Variants in SNAP23 observed in about 807,000 individuals in gnomAD.
SNAP23 encodes synaptosomal-associated protein 23.
In SNAP23, 11 loss-of-function variants were observed where a neutral mutation model predicts 29.0. The ratio of observed to expected loss-of-function variants is 0.38; its 90% CI spans 0.24 to 0.63. The LOEUF (loss-of-function observed/expected upper bound fraction) is 0.63, where lower values mean the gene tolerates loss of function less well. Ranked by LOEUF, SNAP23 falls within the 20% of genes least tolerant of loss-of-function variation. The pLI, the probability that SNAP23 is intolerant of heterozygous loss-of-function variation, is 0.58. For missense variants in SNAP23, 220 were observed against 253.9 expected, an observed-to-expected ratio of 0.87 and a Z score of 0.91; for synonymous variants, 60 against 82.9, an observed-to-expected ratio of 0.72 and a Z score of 1.50.
chr15:42,502,774 C>T lies in SNAP23; in HGVS notation c.-15+7061C>T, dbSNP rs543669088. Among the ~76,000 whole-genome samples the T allele has an allele frequency of 2.6e-5, 4 of 152,266 alleles. No individual in the cohort carries two copies. The South Asian group carries it at 8.3e-4, about 32-fold the overall frequency. On this transcript the variant is annotated intron_variant, in intron 1 of 7. Coordinates refer to ENST00000249647, the MANE Select transcript of SNAP23 (RefSeq NM_003825.4). ...AACGTCCCCTTTCTGTTCACATAAC[C>T]ATTCTCATTGATAGGGTTAATAAAA...
chr15:42,502,174 C>G (rs2057277083), intron 1 of SNAP23, among the ~76,000 whole-genome samples: 3 of 151,540 alleles, frequency 2.0e-5, no homozygotes, highest in African/African-American at 7.3e-5. Context: ...ACTACAGGCG[C>G]CCACTACCAC....
chr15:42,519,399 T>G (rs1208587757), intron 5 of SNAP23, among the ~76,000 whole-genome samples: 2 of 147,974 alleles, frequency 1.4e-5, no homozygotes, highest in African/African-American at 5.0e-5. Context: ...TGAGACAGAG[T>G]TTTACGTTGT....
chr15:42,496,887 C>T (rs946569509), intron 1 of SNAP23, among the ~76,000 whole-genome samples: 1 of 152,006 alleles, frequency 6.6e-6, no homozygotes, highest in Non-Finnish European at 1.5e-5. Flanking sequence ...AGGAGAGAGA[C>T]AGTGAAGGGG....
At chr15:42,524,978 A>G (rs2057485108) in intron 5 of SNAP23, among the ~76,000 whole-genome samples, 1 of 152,058 alleles carries the variant, frequency 6.6e-6, no homozygotes, top group Non-Finnish European at 1.5e-5. Flanking sequence ...CCCTTCATAA[A>G]CACGCAGAAC....
chr15:42,506,166 T>A (rs1377776773), intron 1 of SNAP23, among the ~76,000 whole-genome samples: 2 of 151,662 alleles, frequency 1.3e-5, no homozygotes, highest in African/African-American at 4.8e-5. Flanking sequence ...TGGCTGGTCT[T>A]GAACTCCTGA....
At chr15:42,514,223 C>T (rs2057380683) in intron 4 of SNAP23, among the ~76,000 whole-genome samples, 1 of 151,900 alleles carries the variant, frequency 6.6e-6, no homozygotes, top group Non-Finnish European at 1.5e-5. Flanking sequence ...CTCCAGGATC[C>T]TCTACCTCCC....
chr15:42,507,321 T>C (rs2057324304), intron 1 of SNAP23, among the ~76,000 whole-genome samples: 1 of 152,218 alleles, frequency 6.6e-6, no homozygotes, highest in Non-Finnish European at 1.5e-5. Context: ...TAAGAGGTAC[T>C]CAGTGAACTT....
intron 5 of SNAP23, among the ~76,000 whole-genome samples, chr15:42,523,823 TTTG>T (rs532392211): frequency 7.2e-4 from 109 of 152,212 alleles, no homozygotes; most frequent in African/African-American, 2.6e-3. Flanking sequence ...TGTTTGTTTG[TTTG>T]TTTATTTTTA....
upstream of SNAP23, among the ~76,000 whole-genome samples, chr15:42,493,787 C>A (rs2057193132): frequency 6.6e-6 from 1 of 152,154 alleles, no homozygotes; most frequent in African/African-American, 2.4e-5. Flanking sequence ...AATACCACCT[C>A]CTTTTCTATC....
At chr15:42,524,091 C>T (rs2057473539) in intron 5 of SNAP23, among the ~76,000 whole-genome samples, 1 of 152,194 alleles carries the variant, frequency 6.6e-6, no homozygotes, top group Non-Finnish European at 1.5e-5. Flanking sequence ...GCTGGGATTA[C>T]AGGTGTGAGC....
intron 1 of SNAP23, among the ~76,000 whole-genome samples, chr15:42,506,621 C>T (rs1205934066): frequency 1.3e-5 from 2 of 152,186 alleles, no homozygotes; most frequent in Non-Finnish European, 2.9e-5. Flanking sequence ...ACCATGATTA[C>T]TGTGGTCTAT....
Position 42,532,110 on chromosome 15 carries a change from G to C in SNAP23, c.*632G>C, listed in dbSNP as rs62019290. 2.0e-5 allele frequency: 3 copies of C among 149,508 alleles called. No individual in the cohort carries two copies. Among genetic ancestry groups the C allele is most frequent in the African/African-American group, 7.4e-5 (3 of 40,642 alleles). 9.3% of individuals were successfully genotyped at this position (149,508 alleles called of 1,614,324 possible). On this transcript the variant is annotated 3_prime_UTR_variant, in exon 8 of 8. Transcript: ENST00000249647. ...GTTTTCTTTCTTTTTTTTTTTTTTG[G>C]AGTCAGAGTCTCGCTCTCTTGTCCA...
chr15:42,510,454 TTA>T (rs2057351174), intron 1 of SNAP23, among the ~76,000 whole-genome samples: 1 of 152,206 alleles, frequency 6.6e-6, no homozygotes, highest in Non-Finnish European at 1.5e-5. Flanking sequence ...CTGAAAAGAT[TTA>T]TATGTGATCA....
At chr15:42,497,658 A>C (rs529395625) in intron 1 of SNAP23, among the ~76,000 whole-genome samples, 12 of 152,242 alleles carry the variant, frequency 7.9e-5, no homozygotes, top group Non-Finnish European at 1.8e-4. Context: ...GGCCCCTTTC[A>C]AATCTCATGT....
At chr15:42,494,934 C>T (rs1337094684), upstream of SNAP23, among the ~76,000 whole-genome samples, 1 of 152,210 alleles carries the variant, frequency 6.6e-6, no homozygotes, top group Admixed American at 6.5e-5. Context: ...TCTTCAATAG[C>T]TTTCAGTGCC....
At chr15:42,493,356 A>C (rs554617378), upstream of SNAP23, among the ~76,000 whole-genome samples, 6,030 of 149,808 alleles carry the variant, frequency 0.04, 403 homozygotes, top group African/African-American at 0.14. Context: ...CTCTCTCTCT[A>C]TATATATATA....
chr15:42,527,212 G>A (rs2057512228), intron 5 of SNAP23, among the ~76,000 whole-genome samples: 1 of 152,126 alleles, frequency 6.6e-6, no homozygotes, highest in South Asian at 2.1e-4. Context: ...GACCGCTTGT[G>A]TGGTCAAGGT....
chr15:42,508,935 T>C (rs1567043745), intron 1 of SNAP23, among the ~76,000 whole-genome samples: 1 of 152,168 alleles, frequency 6.6e-6, no homozygotes, highest in Non-Finnish European at 1.5e-5. Flanking sequence ...TTATTTTTCA[T>C]ATTTTCTTCT....
chr15:42,528,347 C>T lies in SNAP23; in HGVS notation c.352C>T (p.Gln118Ter). ...ENSPCNVVSKQPGPVTNGQLQ... is the reference protein window; with the variant it reads ...ENSPCNVVSK ...CTCACCTTGCAATGTAGTATCTAAA[C>T]AGCCAGGCCCGGTGACAAATGGTCA... The change falls in exon 6 of 8, where the codon CAG becomes TAG. Residue 118 changes from glutamine to a stop codon, truncating the protein, a stop_gained. Coordinates refer to ENST00000249647, the MANE Select transcript of SNAP23 (RefSeq NM_003825.4). LOFTEE classifies it high-confidence loss of function. 1 of 1,614,132 alleles carries T rather than the reference C, an allele frequency of 6.2e-7. No homozygotes were observed. Among genetic ancestry groups the T allele is most frequent in the Non-Finnish European group, 8.5e-7 (1 of 1,180,020 alleles).
Sources: allele counts gnomAD v4.1 joint callset (sites outside exome capture counted in the v4.1 genomes callset), GRCh38; gene constraint gnomAD v4.1.1; transcripts MANE v1.5; gene names NCBI Gene and HGNC (gene_info 2026-07-23, HGNC 2026-07-21).